PTPRM: variants seen among roughly 807,000 people sequenced by gnomAD.
PTPRM encodes receptor-type tyrosine-protein phosphatase mu.
PTPRM carries 47 observed loss-of-function variants against 186.7 expected under a neutral mutation model. The observed-to-expected ratio is 0.25, with a 90% CI of 0.20 to 0.32. The LOEUF (loss-of-function observed/expected upper bound fraction) is 0.32. Among genes scored for constraint, PTPRM ranks in the 10% least tolerant of loss-of-function variants. The pLI, the probability that PTPRM is intolerant of heterozygous loss-of-function variation, is 1.00. For missense variants in PTPRM, 1,494 were observed against 1,865.0 expected, an observed-to-expected ratio of 0.80 and a Z score of 3.66; for synonymous variants, 668 against 674.9, an observed-to-expected ratio of 0.99 and a Z score of 0.16.
intron 17 of PTPRM, chr18:8,248,404 C>T: frequency 1.6e-6 from 1 of 607,374 alleles, no homozygotes; most frequent in Non-Finnish European, 3.0e-6. Context: ...ATGATACCAA[C>T]AGGTTCAAAT....
At chr18:7,926,442 A>G (rs537665651) in intron 4 of PTPRM, 126 bp from the exon 5 acceptor site, 1 of 541,680 alleles carries the variant, frequency 1.8e-6, no homozygotes, top group Middle Eastern at 4.8e-4. Flanking sequence ...TTATATAAGC[A>G]AAAGCATTAT....
chr18:8,258,225 A>G (rs1047468412), intron 19 of PTPRM, among the ~76,000 whole-genome samples: 2 of 152,194 alleles, frequency 1.3e-5, no homozygotes, highest in Non-Finnish European at 2.9e-5. Flanking sequence ...TCCTCTGACA[A>G]GCAAAGGGCA....
chr18:8,330,431 CATTT>C (rs1222940341), intron 22 of PTPRM, among the ~76,000 whole-genome samples: 4 of 152,124 alleles, frequency 2.6e-5, no homozygotes, highest in African/African-American at 7.2e-5. Context: ...GTATTTCATT[CATTT>C]ATTAGATTTA....
intron 1 of PTPRM, among the ~76,000 whole-genome samples, chr18:7,639,005 GT>G (rs2038382435): frequency 6.6e-6 from 1 of 152,106 alleles, no homozygotes; most frequent in Non-Finnish European, 1.5e-5. Flanking sequence ...AAACTGTAGT[GT>G]TTTACCTTGT....
At chr18:7,752,888 A>G (rs2041289264) in intron 1 of PTPRM, among the ~76,000 whole-genome samples, 1 of 152,150 alleles carries the variant, frequency 6.6e-6, no homozygotes, top group Admixed American at 6.5e-5. Flanking sequence ...TTACTTTGAT[A>G]GATATTCCTG....
rs67547673 is a variant in PTPRM at position 8,209,989 on chromosome 18, TAA to T, written c.2301-34040_2301-34039del. Among the ~76,000 whole-genome samples, 230 of 78,646 alleles carry T rather than the reference TAA, an allele frequency of 2.9e-3. 1 individual carries two copies. The highest frequency in any genetic ancestry group is 8.4e-3 in the African/African-American group (191 of 22,720). The allele number at this position is 78,646 out of a possible 152,430, so 51.6% of individuals were successfully genotyped here. A position where few individuals can be genotyped will look rare whatever the true frequency, so the allele number is the denominator to read the frequency against. ...TGTATCCCGGAACTTGAAGTAAAATTAAAAAAAAAAAAAAAAAAAAAAAAAAA... is the reference window on the plus strand; with the variant it reads ...TGTATCCCGGAACTTGAAGTAAAATTAAAAAAAAAAAAAAAAAAAAAAAAA... On this transcript the variant is annotated intron_variant, in intron 14 of 32. Coordinates refer to ENST00000580170, the MANE Select transcript of PTPRM (RefSeq NM_001105244.2).
At chr18:7,933,541 C>T (rs1227516658) in intron 5 of PTPRM, among the ~76,000 whole-genome samples, 2 of 152,126 alleles carry the variant, frequency 1.3e-5, no homozygotes, top group Non-Finnish European at 2.9e-5. Context: ...ATGTATCTCC[C>T]ATGGAACAGG....
At chr18:7,769,674 G>T (rs897614963) in intron 1 of PTPRM, among the ~76,000 whole-genome samples, 1 of 151,900 alleles carries the variant, frequency 6.6e-6, no homozygotes, top group African/African-American at 2.4e-5. Context: ...CAGTTTTATC[G>T]ATTTAATTTT....
intron 1 of PTPRM, among the ~76,000 whole-genome samples, chr18:7,678,653 C>A (rs371993008): frequency 3.3e-5 from 5 of 152,230 alleles, no homozygotes; most frequent in Admixed American, 2.0e-4. Context: ...TTTATTTTTA[C>A]AGAAATGGTA....
intron 13 of PTPRM, among the ~76,000 whole-genome samples, chr18:8,138,008 A>G (rs1017469717): frequency 6.6e-6 from 1 of 152,138 alleles, no homozygotes; most frequent in African/African-American, 2.4e-5. Context: ...CGTACTAAAT[A>G]AGGGGCTGCT....
At chr18:8,055,552 G>T (rs1788069) in intron 7 of PTPRM, among the ~76,000 whole-genome samples, 97,997 of 152,088 alleles carry the variant, frequency 0.64, 31,822 homozygotes, top group African/African-American at 0.71. Flanking sequence ...TTCATTTTTA[G>T]AATTACATTT....
chr18:7,658,577 C>T (rs2038910354), intron 1 of PTPRM, among the ~76,000 whole-genome samples: 1 of 152,038 alleles, frequency 6.6e-6, no homozygotes, highest in Non-Finnish European at 1.5e-5. Context: ...GCTTTCCCCT[C>T]CTTGTAAAGA....
At chr18:8,137,294 G>A (rs1005676030) in intron 13 of PTPRM, among the ~76,000 whole-genome samples, 4 of 152,074 alleles carry the variant, frequency 2.6e-5, no homozygotes, top group African/African-American at 4.8e-5. Flanking sequence ...GTGTGAATGG[G>A]GTAGTTTGTT....
In PTPRM at chr18:8,105,452, G is replaced by C. The variant is rs1264471187; in HGVS notation, c.1857-8034G>C. Among the ~76,000 whole-genome samples, 4 of 152,298 alleles carry C rather than the reference G, an allele frequency of 2.6e-5. No individual in the cohort carries two copies. In the South Asian group the frequency reaches 8.3e-4, roughly 32 times the overall value. ...GTTCTTTAAGAACCTTTGAAAAGAA[G>C]CTTTAAAAATGGCAGAGGAAGATAA... On this transcript the variant is annotated intron_variant, in intron 11 of 32. Coordinates refer to ENST00000580170, the MANE Select transcript of PTPRM (RefSeq NM_001105244.2).
At chr18:8,386,793 A>G (rs1267784481) in intron 30 of PTPRM, among the ~76,000 whole-genome samples, 1 of 152,106 alleles carries the variant, frequency 6.6e-6, no homozygotes, top group Non-Finnish European at 1.5e-5. Context: ...GTCAGTGCTT[A>G]TGCTGTGTTA....
chr18:8,155,414 G>C (rs572774538), intron 14 of PTPRM, among the ~76,000 whole-genome samples: 1 of 152,248 alleles, frequency 6.6e-6, no homozygotes, highest in South Asian at 2.1e-4. Context: ...TAATTAAAGA[G>C]TTAGGCATTC....
intron 2 of PTPRM, among the ~76,000 whole-genome samples, chr18:7,884,619 A>T (rs555053309): frequency 6.6e-6 from 1 of 152,106 alleles, no homozygotes; most frequent in South Asian, 2.1e-4. Context: ...ACAAAATCAC[A>T]TGCTGAAAAT....
At chr18:8,030,606 C>T (rs1263415462) in intron 7 of PTPRM, among the ~76,000 whole-genome samples, 1 of 152,202 alleles carries the variant, frequency 6.6e-6, no homozygotes, top group East Asian at 1.9e-4. Context: ...TAAGTTCTTT[C>T]AATTCCATTA....
chr18:7,846,357 T>G (rs1318969549), intron 2 of PTPRM, among the ~76,000 whole-genome samples: 2 of 152,224 alleles, frequency 1.3e-5, no homozygotes, highest in Non-Finnish European at 2.9e-5. Context: ...GTACAGTGAA[T>G]AAAACAATGA....
Sources: allele counts gnomAD v4.1 joint callset (sites outside exome capture counted in the v4.1 genomes callset), GRCh38; gene constraint gnomAD v4.1.1; transcripts MANE v1.5; gene names NCBI Gene and HGNC (gene_info 2026-07-23, HGNC 2026-07-21).